PCDH19: variants seen among roughly 807,000 people sequenced by gnomAD.
The protein encoded by PCDH19 is protocadherin-19.
In PCDH19, 6 loss-of-function variants were observed where a neutral mutation model predicts 46.2. The ratio of observed to expected loss-of-function variants is 0.13; its 90% CI spans 0.07 to 0.26. PCDH19 has a LOEUF of 0.26. Ranked by LOEUF, PCDH19 falls within the 10% of genes least tolerant of loss-of-function variation. PCDH19 has a pLI of 1.00. For synonymous variants in PCDH19, 481 were observed against 415.7 expected, an observed-to-expected ratio of 1.16 and a Z score of -1.91; for missense variants, 740 against 972.3, an observed-to-expected ratio of 0.76 and a Z score of 3.18.
In PCDH19 at chrX:100,332,094, C is replaced by T. The variant is rs1211404872; in HGVS notation, c.2848+9809G>A. Among the ~76,000 whole-genome samples, 6 of 112,126 alleles carry T rather than the reference C, an allele frequency of 5.4e-5. No homozygotes were observed. The East Asian group carries it at 1.4e-3, about 26-fold the overall frequency. ...TGAGCCATCTGATAAAAACAAGAGA[C>T]CAAAAATACCTTGGGCAAGTCCTGA... On this transcript the variant is annotated intron_variant, in intron 5 of 5. Transcript: ENST00000373034.
At position 100,318,987 on chromosome X, in the gene PCDH19, GA is replaced by G. The variant is rs368349755; in HGVS notation, c.2849-22113del. ...TGTTGCAGTAGATCTCATCATTTAA[GA>G]AAAAAAAAAACCTACACATGCAGAA... On this transcript the variant is annotated intron_variant, in intron 5 of 5. Transcript: ENST00000373034. Among the ~76,000 whole-genome samples, 637 of 102,246 alleles carry G rather than the reference GA, an allele frequency of 6.2e-3. 4 individuals carry two copies. Among genetic ancestry groups the G allele is most frequent in the African/African-American group, 0.02 (573 of 28,304 alleles). 88.8% of individuals were successfully genotyped at this position (102,246 alleles called of 115,157 possible). A position where few individuals can be genotyped will look rare whatever the true frequency, so the allele number is the denominator to read the frequency against.
chrX:100,305,058 C>T (rs1175547515), intron 5 of PCDH19, among the ~76,000 whole-genome samples: 2 of 111,807 alleles, frequency 1.8e-5, no homozygotes, highest in Non-Finnish European at 3.8e-5. Flanking sequence ...CATCCAAATA[C>T]AAGGAGCTCA....
intron 3 of PCDH19, among the ~76,000 whole-genome samples, chrX:100,367,834 A>G (rs1358973224): frequency 7.2e-5 from 8 of 111,597 alleles, no homozygotes; most frequent in Non-Finnish European, 1.3e-4. Context: ...CAGAGAAGAA[A>G]GCCTCCATGG....
chrX:100,384,929 T>C (rs367776864), intron 3 of PCDH19, among the ~76,000 whole-genome samples: 18 of 110,952 alleles, frequency 1.6e-4, no homozygotes, highest in African/African-American at 5.6e-4. Context: ...AAGGTGGAGA[T>C]AGGCAGGTTA....
intron 5 of PCDH19, among the ~76,000 whole-genome samples, chrX:100,327,321 G>A (rs1925725268): frequency 8.9e-6 from 1 of 112,104 alleles, no homozygotes; most frequent in Non-Finnish European, 1.9e-5. Context: ...TTGAGGATTC[G>A]AACAAATAAG....
intron 4 of PCDH19, among the ~76,000 whole-genome samples, chrX:100,348,599 T>C (rs750292715): frequency 7.2e-5 from 8 of 111,654 alleles, no homozygotes; most frequent in Non-Finnish European, 1.1e-4. Context: ...GAAAAAGCTA[T>C]CTTTGATTTC....
chrX:100,395,550 T>A (rs1300773697), intron 3 of PCDH19, among the ~76,000 whole-genome samples: 1 of 113,142 alleles, frequency 8.8e-6, no homozygotes, highest in Non-Finnish European at 1.9e-5. Flanking sequence ...TGTGCCTGGG[T>A]AAGTCATTTG....
At chrX:100,363,721 ATATT>A (rs981389788) in intron 3 of PCDH19, among the ~76,000 whole-genome samples, 6 of 99,933 alleles carry the variant, frequency 6.0e-5, no homozygotes, top group Admixed American at 5.9e-4. Context: ...TATATATAAT[ATATT>A]TATTTTATAT....
In PCDH19 at chrX:100,296,751, G is replaced by A. The variant is rs769375997; in HGVS notation, c.2973C>T (p.Ile991=). ...SKSPEHVRNI[I]ALSIEATAAD... ...CAGCAGTAGCTTCAATAGACAGCGC[G>A]ATGATGTTCCTCACATGCTCAGGGG... is the stretch of plus-strand genomic sequence containing the variant. Residue 991 remains isoleucine (I), a synonymous_variant, in exon 6 of 6, where the codon ATC becomes ATT. Coordinates refer to ENST00000373034, the MANE Select transcript of PCDH19 (RefSeq NM_001184880.2). The A allele has an allele frequency of 1.3e-5, 16 of 1,209,450 alleles. No individual in the cohort carries two copies. The highest frequency in any genetic ancestry group is 3.5e-5 in the South Asian group (2 of 56,736).
At position 100,402,785 on chromosome X, in the gene PCDH19, G is replaced by A; in HGVS notation, c.2355C>T (p.Asp785=). The A allele has an allele frequency of 8.3e-7, 1 of 1,211,147 alleles. No individual in the cohort carries two copies. Among genetic ancestry groups the A allele is most frequent in the African/African-American group, 1.7e-5 (1 of 57,756 alleles). ...CCACATCCCGGGGTACCAGGCGGATGTCATTCTTACTGATTTTTTTCTTCT... is the reference window on the plus strand; with the variant it reads ...CCACATCCCGGGGTACCAGGCGGATATCATTCTTACTGATTTTTTTCTTCT... The part of the protein sequence containing the change: ...SSKKKKISKN[D]IRLVPRDVEE... Residue 785 remains aspartate (D), a synonymous_variant, in exon 3 of 6, where the codon GAC becomes GAT. Transcript: ENST00000373034.
chrX:100,408,416 A>G lies in PCDH19; in HGVS notation c.182T>C (p.Phe61Ser). The G allele has an allele frequency of 1.7e-6, 2 of 1,207,089 alleles. No homozygotes were observed. The highest frequency in any genetic ancestry group is 2.2e-6 in the Non-Finnish European group (2 of 894,478). Residue 61 changes from phenylalanine to serine, a missense_variant, in exon 1 of 6, where the codon TTT becomes TCT. This residue lies in a region of PCDH19 where 81 missense variants were observed against 96.5 expected (regional missense o/e 0.84). Transcript: ENST00000373034. ...TGGAGCCGAGTTGGACACCACGCGAAAGGCTGAAGCCTGCCGGGGGTCCAG... is the reference window on the plus strand; with the variant it reads ...TGGAGCCGAGTTGGACACCACGCGAGAGGCTGAAGCCTGCCGGGGGTCCAG... ...FALDPRQASA[F>S]RVVSNSAPHL...
intron 3 of PCDH19, among the ~76,000 whole-genome samples, chrX:100,391,991 C>T (rs756272653): frequency 8.0e-5 from 9 of 111,806 alleles, no homozygotes; most frequent in African/African-American, 2.9e-4. Flanking sequence ...TTTATTTGAT[C>T]CCATATTTCC....
At chrX:100,349,266 AT>A (rs1926503004) in intron 4 of PCDH19, among the ~76,000 whole-genome samples, 1 of 111,839 alleles carries the variant, frequency 8.9e-6, no homozygotes, top group African/African-American at 3.3e-5. Flanking sequence ...TAAGAGGGTT[AT>A]TTTTTTCTTT....
At chrX:100,328,508 AT>A (rs749291116) in intron 5 of PCDH19, among the ~76,000 whole-genome samples, 29 of 111,482 alleles carry the variant, frequency 2.6e-4, no homozygotes, top group South Asian at 2.3e-3. Flanking sequence ...TTGGCTCATC[AT>A]CCCCCAGAAA....
chrX:100,305,311 A>G lies in PCDH19; in HGVS notation c.2849-8436T>C, dbSNP rs146776361. Among the ~76,000 whole-genome samples, 524 of 111,786 alleles carry G rather than the reference A, an allele frequency of 4.7e-3. 3 individuals are homozygous for G. Among genetic ancestry groups the G allele is most frequent in the Non-Finnish European group, 7.6e-3 (401 of 53,076 alleles). ...AACAATTATCAGCCAAGAATTTTGT[A>G]TCCAGTGAAACTAAGCTTAATAAAT... On this transcript the variant is annotated intron_variant, in intron 5 of 5. Transcript: ENST00000373034.
chrX:100,307,495 A>T lies in PCDH19; in HGVS notation c.2849-10620T>A, dbSNP rs375899172. Among the ~76,000 whole-genome samples the T allele has an allele frequency of 8.3e-4, 93 of 111,723 alleles. 2 individuals carry two copies. The highest frequency in any genetic ancestry group is 2.9e-3 in the African/African-American group (89 of 30,799). ...CCCTGAGAACTGAAACAAAACAAGG[A>T]TGCCCACTTTCACCACTTCTATTCA... On this transcript the variant is annotated intron_variant, in intron 5 of 5. Transcript: ENST00000373034.
intron 1 of PCDH19, 45 bp downstream of exon 1, chrX:100,406,406 A>G (rs1328918430): frequency 1.0e-6 from 1 of 1,004,390 alleles, no homozygotes; most frequent in Admixed American, 2.5e-5. Flanking sequence ...ACACAGATAA[A>G]CACACCTTAT....
intron 2 of PCDH19, 35 bp downstream of exon 2, chrX:100,403,489 C>CA (rs1429026644): frequency 8.3e-7 from 1 of 1,199,328 alleles, no homozygotes; most frequent in African/African-American, 1.8e-5. Flanking sequence ...ATCTAATAGC[C>CA]AAACCCATTT....
intron 5 of PCDH19, among the ~76,000 whole-genome samples, chrX:100,333,185 GAAAGAAAGAAAGAAAGAAAGAA>G (rs1396588279): frequency 8.7e-4 from 55 of 63,437 alleles, no homozygotes; most frequent in African/African-American, 1.3e-3. Flanking sequence ...GAGAGAGAGA[GAAAGAAAGAAAGAAAGAAAGAA>G]AGAAAGAAAG....
Sources: allele counts gnomAD v4.1 joint callset (sites outside exome capture counted in the v4.1 genomes callset), GRCh38; gene constraint gnomAD v4.1.1; regional missense constraint gnomAD v4.1.1; transcripts MANE v1.5; gene names NCBI Gene and HGNC (gene_info 2026-07-23, HGNC 2026-07-21).